Variants in ARHGAP22 observed in about 807,000 individuals in gnomAD.
ARHGAP22 encodes the protein rho GTPase-activating protein 22.
In ARHGAP22, 48 loss-of-function variants were observed where a neutral mutation model predicts 59.1. The ratio of observed to expected loss-of-function variants is 0.81; its 90% confidence interval spans 0.64 to 1.03. The LOEUF (loss-of-function observed/expected upper bound fraction) is 1.03. Ranked by LOEUF, ARHGAP22 falls within the 50% of genes least tolerant of loss-of-function variation. The probability of loss-of-function intolerance (pLI) is 0.00; values close to 1 mark genes in which losing one functional copy is unlikely to be tolerated. For synonymous variants in ARHGAP22, 445 were observed against 416.4 expected (o/e 1.07, Z -0.84); for missense variants, 1,015 against 958.7 (o/e 1.06, Z -0.78).
chr10:48,573,353 T>C (rs753279161), intron 2 of ARHGAP22, among the ~76,000 whole-genome samples: 5 of 152,208 alleles, frequency 3.3e-5, no homozygotes, highest in African/African-American at 1.2e-4. Context: ...GAGTGAAATA[T>C]CTTCTCTAGT....
chr10:48,604,081 A>G (rs1261173506), intron 1 of ARHGAP22, among the ~76,000 whole-genome samples: 1 of 152,256 alleles, frequency 6.6e-6, no homozygotes, highest in Non-Finnish European at 1.5e-5. Flanking sequence ...TTGTCCATGG[A>G]GATGCTGTCT....
At chr10:48,606,013 G>A (rs535210982), upstream of ARHGAP22, among the ~76,000 whole-genome samples, 12 of 152,272 alleles carry the variant, frequency 7.9e-5, no homozygotes, top group East Asian at 1.7e-3. Flanking sequence ...CTTGCTGAAC[G>A]GTGACCTGCC....
downstream of ARHGAP22, among the ~76,000 whole-genome samples, chr10:48,442,315 C>G (rs1396293032): frequency 6.6e-6 from 1 of 152,204 alleles, no homozygotes; most frequent in Admixed American, 6.5e-5. Context: ...CAGGGGGTGG[C>G]AAGTGCTCGG....
intron 3 of ARHGAP22, chr10:48,524,180 T>A (rs1317315062): frequency 6.5e-6 from 7 of 1,084,110 alleles, no homozygotes; most frequent in Non-Finnish European, 7.9e-6. Context: ...GCGGCCGAGG[T>A]CCGGCCCACG....
chr10:48,502,855 G>A (rs1280928976), intron 3 of ARHGAP22, among the ~76,000 whole-genome samples: 1 of 152,266 alleles, frequency 6.6e-6, no homozygotes, highest in Non-Finnish European at 1.5e-5. Context: ...CTGCCTCTCA[G>A]AGAGTGGCCC....
intron 1 of ARHGAP22, among the ~76,000 whole-genome samples, chr10:48,648,697 G>A (rs1276804233): frequency 3.3e-5 from 5 of 152,220 alleles, no homozygotes; most frequent in African/African-American, 1.2e-4. Flanking sequence ...GGGGAAAATG[G>A]TCCGGAGAGT....
intron 3 of ARHGAP22, among the ~76,000 whole-genome samples, chr10:48,548,071 A>T (rs1237894151): frequency 2.0e-5 from 3 of 152,172 alleles, no homozygotes; most frequent in East Asian, 1.9e-4. Flanking sequence ...GTAGGCATGT[A>T]GCTTAAGCAC....
chr10:48,431,120 C>T, the ARHGAP22 span: 2 of 923,434 alleles, frequency 2.2e-6, no homozygotes, highest in Non-Finnish European at 3.5e-6. Flanking sequence ...AAAATTTCCA[C>T]TTAAACCATA....
rs188807627 is a variant in ARHGAP22 at position 48,562,600 on chromosome 10, G to A, written c.235-7050C>T. Among the ~76,000 whole-genome samples the A allele has an allele frequency of 1.9e-3, 284 of 152,256 alleles. 3 individuals are homozygous for A. The highest frequency in any genetic ancestry group is 2.8e-3 in the Non-Finnish European group (192 of 68,018). ...AAAGTGTAGAAAATGAGAACTAAGC[G>A]GATCAGCCTGGGGTCAGGGGTCAGG... On this transcript the variant is annotated intron_variant, in intron 2 of 9. Coordinates refer to ENST00000249601, the MANE Select transcript of ARHGAP22 (RefSeq NM_021226.4).
intron 3 of ARHGAP22, among the ~76,000 whole-genome samples, chr10:48,522,173 C>T (rs543340060): frequency 1.9e-3 from 296 of 152,358 alleles, no homozygotes; most frequent in African/African-American, 6.9e-3. Context: ...CCCTGCCAGA[C>T]AGTGGCTGGT....
intron 3 of ARHGAP22, among the ~76,000 whole-genome samples, chr10:48,529,642 T>A (rs2054634678): frequency 6.6e-6 from 1 of 152,130 alleles, no homozygotes. Flanking sequence ...ATTCTCCAAG[T>A]GATACCATGT....
chr10:48,553,694 C>T (rs1469952896), intron 3 of ARHGAP22, among the ~76,000 whole-genome samples: 1 of 152,116 alleles, frequency 6.6e-6, no homozygotes, highest in Admixed American at 6.5e-5. Flanking sequence ...GACTATGTTA[C>T]CTTATATGGC....
At chr10:48,466,268 CG>C (rs1217616959) in intron 4 of ARHGAP22, among the ~76,000 whole-genome samples, 1 of 37,996 alleles carries the variant, frequency 2.6e-5, no homozygotes, top group East Asian at 0.029. Flanking sequence ...CAAGTCCCTG[CG>C]CCCCCCCCCA....
intron 3 of ARHGAP22, among the ~76,000 whole-genome samples, chr10:48,526,372 C>T (rs950097744): frequency 1.3e-5 from 2 of 152,142 alleles, no homozygotes; most frequent in African/African-American, 4.8e-5. Flanking sequence ...GGTGAGGCTT[C>T]GGGGAGAGAG....
At chr10:48,482,796 C>G (rs1006005699) in intron 3 of ARHGAP22, among the ~76,000 whole-genome samples, 1 of 152,082 alleles carries the variant, frequency 6.6e-6, no homozygotes, top group Non-Finnish European at 1.5e-5. Context: ...GGGAACATTT[C>G]AAGTCCTCTC....
chr10:48,592,422 G>A (rs1289096816), intron 1 of ARHGAP22, among the ~76,000 whole-genome samples: 1 of 152,206 alleles, frequency 6.6e-6, no homozygotes, highest in Non-Finnish European at 1.5e-5. Context: ...CGTCCAGTCA[G>A]TCCTCCCATT....
chr10:48,604,674 C>T (rs746833183), intron 1 of ARHGAP22, 89 bp downstream of exon 1: 9 of 1,604,364 alleles, frequency 5.6e-6, no homozygotes, highest in Admixed American at 1.7e-5. Context: ...CCCCATGTGA[C>T]ACATGGCGTG....
intron 1 of ARHGAP22, among the ~76,000 whole-genome samples, chr10:48,616,764 T>C (rs972071777): frequency 3.3e-5 from 5 of 152,072 alleles, no homozygotes; most frequent in Non-Finnish European, 2.9e-5. Flanking sequence ...AGCAATCAAG[T>C]CATTTCTAGA....
intron 1 of ARHGAP22, among the ~76,000 whole-genome samples, chr10:48,645,722 C>T (rs917217879): frequency 1.3e-5 from 2 of 152,144 alleles, no homozygotes; most frequent in Non-Finnish European, 2.9e-5. Context: ...TGAATGCTTT[C>T]CCCTTAAAAT....
Sources: allele counts gnomAD v4.1 joint callset (sites outside exome capture counted in the v4.1 genomes callset), GRCh38; gene constraint gnomAD v4.1.1; transcripts MANE v1.5; gene names NCBI Gene and HGNC (gene_info 2026-07-23, HGNC 2026-07-21).